The following PCM1 variants were observed in gnomAD, a reference collection of about 807,000 sequenced individuals.
PCM1 encodes pericentriolar material 1.
A neutral mutation model predicts 241.9 loss-of-function variants in PCM1; 157 were observed. The observed-to-expected ratio is 0.65, with a 90% confidence interval of 0.57 to 0.74. The LOEUF (loss-of-function observed/expected upper bound fraction) is 0.74, where lower values mean the gene tolerates loss of function less well. Ranked by LOEUF, PCM1 falls within the 30% of genes least tolerant of loss-of-function variation. PCM1 has a pLI of 0.00. For missense variants in PCM1, 3,478 were observed against 2,360.1 expected (o/e 1.47, Z -9.81); for synonymous variants, 1,085 against 784.9 (o/e 1.38, Z -6.39).
intron 36 of PCM1, among the ~76,000 whole-genome samples, chr8:18,024,048 C>A (rs567883936): frequency 6.6e-6 from 1 of 152,212 alleles, no homozygotes; most frequent in African/African-American, 2.4e-5. Flanking sequence ...ACCAAAACCC[C>A]CATAAAACAA....
chr8:17,956,116 A>C (rs1313830392), intron 10 of PCM1, among the ~76,000 whole-genome samples: 1 of 108,088 alleles, frequency 9.3e-6, no homozygotes. Flanking sequence ...CCTGGCACTT[A>C]CAGTAAGAAC....
intron 29 of PCM1, among the ~76,000 whole-genome samples, chr8:18,000,535 G>C (rs2088930746): frequency 6.6e-6 from 1 of 151,792 alleles, no homozygotes; most frequent in Non-Finnish European, 1.5e-5. Context: ...AGTGTCGAGA[G>C]AGAGAGAAAA....
chr8:17,987,171 TGTCA>T (rs1433925403), intron 26 of PCM1, among the ~76,000 whole-genome samples: 7 of 151,884 alleles, frequency 4.6e-5, no homozygotes, highest in Admixed American at 1.3e-4. Context: ...TGTAAATTAG[TGTCA>T]GTCAGTGTTT....
At chr8:17,960,533 C>CATTTTTTTTT in intron 15 of PCM1, 89 bp downstream of exon 15, 1 of 602,580 alleles carries the variant, frequency 1.7e-6, no homozygotes, top group Non-Finnish European at 2.5e-6. Flanking sequence ...TTTTGTTTTT[C>CATTTTTTTTT]TTTTTTTTTG....
At chr8:17,983,211 T>C (rs919446443) in intron 24 of PCM1, 4 of 1,293,416 alleles carry the variant, frequency 3.1e-6, no homozygotes, top group Admixed American at 4.6e-5. Context: ...ATGTTCATCC[T>C]TATGTCTGCC....
chr8:18,014,110 A>C (rs28551649), intron 35 of PCM1, 74 bp downstream of exon 35: 364,594 of 774,366 alleles, frequency 0.47, 78,592 homozygotes, highest in Non-Finnish European at 0.54. Flanking sequence ...AAAAAAAAAA[A>C]ACACACACAG....
At position 17,941,541 on chromosome 8, in the gene PCM1, TA is replaced by T. The variant is rs142957683; in HGVS notation, c.783+1688del. Among the ~76,000 whole-genome samples, 35 of 145,778 alleles carry T rather than the reference TA, an allele frequency of 2.4e-4. 1 individual carries two copies. The highest frequency in any genetic ancestry group is 8.3e-4 in the African/African-American group (33 of 39,642). ...ATTGATTTTTGTTTTTTTTTTTTTT[TA>T]AAAAAAAGGTGGACTGGTACTTTTT... On this transcript the variant is annotated intron_variant, in intron 6 of 38. Transcript: ENST00000325083.
At chr8:17,992,298 C>G (rs2084955203) in intron 28 of PCM1, among the ~76,000 whole-genome samples, 1 of 152,132 alleles carries the variant, frequency 6.6e-6, no homozygotes, top group Non-Finnish European at 1.5e-5. Flanking sequence ...GATCTACTTT[C>G]AGTTGTTTAA....
At chr8:17,993,462 T>C (rs2085509739) in intron 28 of PCM1, 21 bp from the exon 29 acceptor site, 1 of 1,521,692 alleles carries the variant, frequency 6.6e-7, no homozygotes, top group African/African-American at 1.4e-5. Flanking sequence ...TAGGCTAATG[T>C]ATTTTCTTTT....
At chr8:17,945,701 C>T (rs1271277386) in intron 6 of PCM1, among the ~76,000 whole-genome samples, 1 of 152,136 alleles carries the variant, frequency 6.6e-6, no homozygotes, top group Non-Finnish European at 1.5e-5. Context: ...TAAAGGATGT[C>T]ACCCAGAAGG....
chr8:17,987,458 G>A (rs1447867053), intron 26 of PCM1, among the ~76,000 whole-genome samples: 2 of 151,798 alleles, frequency 1.3e-5, no homozygotes, highest in African/African-American at 4.8e-5. Flanking sequence ...ACATTGGTTT[G>A]CACCATCGAT....
intron 2 of PCM1, chr8:17,934,640 G>A (rs1490329549): frequency 2.0e-5 from 3 of 151,858 alleles, no homozygotes; most frequent in African/African-American, 7.3e-5. Flanking sequence ...GCTTTTGTGT[G>A]TAGTTTAATG....
chr8:17,935,083 T>G (rs2060049758), intron 2 of PCM1, among the ~76,000 whole-genome samples: 3 of 152,220 alleles, frequency 2.0e-5, no homozygotes, highest in Admixed American at 2.0e-4. Flanking sequence ...CTTATCATCT[T>G]GCTATTGTAC....
intron 29 of PCM1, among the ~76,000 whole-genome samples, chr8:18,000,779 G>A (rs2089092746): frequency 6.6e-6 from 1 of 152,214 alleles, no homozygotes; most frequent in South Asian, 2.1e-4. Context: ...CTGTCACCAT[G>A]CCTGGCTTGC....
Position 18,007,623 on chromosome 8 carries a change from A to C in PCM1, c.4962+1226A>C, listed in dbSNP as rs187762213. On this transcript the variant is annotated intron_variant, in intron 30 of 38. Transcript: ENST00000325083. ...TCTAAGGTTTGACTGCTTTTCTTTCATCCCGTTCTTGATTTTTTCACAAGA... is the reference window on the plus strand; with the variant it reads ...TCTAAGGTTTGACTGCTTTTCTTTCCTCCCGTTCTTGATTTTTTCACAAGA... Among the ~76,000 whole-genome samples the C allele has an allele frequency of 1.4e-3, 211 of 152,254 alleles. 1 individual carries two copies. Among genetic ancestry groups the C allele is most frequent in the Non-Finnish European group, 1.7e-3 (116 of 68,002 alleles).
At chr8:17,943,748 C>G (rs1453293087) in intron 6 of PCM1, among the ~76,000 whole-genome samples, 1 of 152,008 alleles carries the variant, frequency 6.6e-6, no homozygotes, top group Non-Finnish European at 1.5e-5. Context: ...ATTCTCACCA[C>G]CTGTGTTTAT....
intron 34 of PCM1, 35 bp downstream of exon 34, chr8:18,011,862 C>G (rs762925760): frequency 2.2e-5 from 34 of 1,512,272 alleles, no homozygotes; most frequent in East Asian, 4.5e-5. Context: ...TTCCATCAGC[C>G]TTATTTTAAC....
At chr8:17,943,494 G>C (rs1162246005) in intron 6 of PCM1, among the ~76,000 whole-genome samples, 1 of 152,126 alleles carries the variant, frequency 6.6e-6, no homozygotes, top group East Asian at 1.9e-4. Flanking sequence ...AAATTTAAGA[G>C]TTAACAGTTA....
At chr8:18,009,765 T>A (rs1384062207) in intron 31 of PCM1, 21 bp downstream of exon 31, 1 of 1,352,590 alleles carries the variant, frequency 7.4e-7, no homozygotes, top group East Asian at 2.5e-5. Context: ...TTCATTTTGA[T>A]TTTTAGGATA....
Sources: allele counts gnomAD v4.1 joint callset (sites outside exome capture counted in the v4.1 genomes callset), GRCh38; gene constraint gnomAD v4.1.1; transcripts MANE v1.5; gene names NCBI Gene and HGNC (gene_info 2026-07-23, HGNC 2026-07-21).